ZFYVE28: variants seen among roughly 807,000 people sequenced by gnomAD.
The protein encoded by ZFYVE28 is zinc finger FYVE-type containing 28, also known as lateral signaling target protein 2 homolog.
A neutral mutation model predicts 82.1 loss-of-function variants in ZFYVE28; 40 were observed. The observed-to-expected ratio is 0.49, with a 90% CI of 0.38 to 0.63. The LOEUF is 0.63. Among genes scored for constraint, ZFYVE28 ranks in the 30% least tolerant of loss-of-function variants. The pLI is 0.00. For missense variants in ZFYVE28, 1,321 were observed against 1,242.1 expected, an observed-to-expected ratio of 1.06 and a Z score of -0.96; for synonymous variants, 612 against 546.1, an observed-to-expected ratio of 1.12 and a Z score of -1.68.
At chr4:2,361,311 AT>A (rs1560282294) in intron 1 of ZFYVE28, among the ~76,000 whole-genome samples, 2 of 152,198 alleles carry the variant, frequency 1.3e-5, no homozygotes, top group Admixed American at 1.3e-4. Flanking sequence ...CTCTGGGCTA[AT>A]TTTGTAAAGC....
chr4:2,275,778 G>C (rs555607371), intron 8 of ZFYVE28, among the ~76,000 whole-genome samples: 11 of 152,354 alleles, frequency 7.2e-5, no homozygotes. Context: ...TCTGGAGCCC[G>C]GTGGCCTCTG....
intron 7 of ZFYVE28, among the ~76,000 whole-genome samples, chr4:2,317,232 C>T (rs1718360567): frequency 6.6e-6 from 1 of 152,052 alleles, no homozygotes; most frequent in Admixed American, 6.5e-5. Context: ...AGGTGATCCG[C>T]CCACCTTGGC....
chr4:2,354,534 C>T (rs2108883472), intron 1 of ZFYVE28, among the ~76,000 whole-genome samples: 1 of 149,880 alleles, frequency 6.7e-6, no homozygotes, highest in East Asian at 2.0e-4. Flanking sequence ...TCCCAACTCA[C>T]TGCAACCTCC....
At chr4:2,375,780 G>A (rs925794938) in intron 1 of ZFYVE28, among the ~76,000 whole-genome samples, 22 of 152,180 alleles carry the variant, frequency 1.4e-4, no homozygotes, top group Admixed American at 6.5e-4. Context: ...TACCATGTGG[G>A]GCGATTGGAG....
chr4:2,288,058 G>A (rs1454783401), intron 8 of ZFYVE28, among the ~76,000 whole-genome samples: 1 of 152,146 alleles, frequency 6.6e-6, no homozygotes, highest in Admixed American at 6.5e-5. Context: ...AGGTGCAGTG[G>A]GCCTCGGAAG....
At chr4:2,313,117 GTTTTTTT>G (rs984303342) in intron 7 of ZFYVE28, among the ~76,000 whole-genome samples, 1 of 139,760 alleles carries the variant, frequency 7.2e-6, no homozygotes, top group Non-Finnish European at 1.6e-5. Flanking sequence ...GTTTTTCCAG[GTTTTTTT>G]TTTTTTTTGA....
chr4:2,272,371 C>A (rs1330892756), intron 10 of ZFYVE28, among the ~76,000 whole-genome samples: 1 of 152,224 alleles, frequency 6.6e-6, no homozygotes, highest in African/African-American at 2.4e-5. Context: ...AGCACCAGAG[C>A]ACCAGGGGTG....
Position 2,362,373 on chromosome 4 carries a change from C to T in ZFYVE28, c.40-8300G>A, listed in dbSNP as rs1009268457. Reference sequence around the variant, plus strand: ...AGCCTCTGCCTGGGACACACAAATGCGGCCCCACAGCTGTGACCCCCACAG... The same window carrying T: ...AGCCTCTGCCTGGGACACACAAATGTGGCCCCACAGCTGTGACCCCCACAG... On this transcript the variant is annotated intron_variant, in intron 1 of 12. Transcript: ENST00000290974. This position sits in a 1 kb window ranked among gnomAD's most constrained non-coding sequence, Gnocchi z 5.1. Among the ~76,000 whole-genome samples the T allele has an allele frequency of 6.6e-6, 1 of 152,100 alleles. No homozygotes were observed. Among genetic ancestry groups the T allele is most frequent in the East Asian group, 1.9e-4 (1 of 5,192 alleles).
At chr4:2,294,363 C>G (rs1298240561) in intron 8 of ZFYVE28, among the ~76,000 whole-genome samples, 1 of 152,150 alleles carries the variant, frequency 6.6e-6, no homozygotes, top group Non-Finnish European at 1.5e-5. Context: ...TCTTTCCCAA[C>G]AAATAATTCT....
intron 1 of ZFYVE28, among the ~76,000 whole-genome samples, chr4:2,366,183 T>C (rs1246440713): frequency 2.6e-5 from 4 of 152,190 alleles, no homozygotes; most frequent in Non-Finnish European, 5.9e-5. Flanking sequence ...GCAAAAAACA[T>C]AGGCGTGAAC....
In ZFYVE28 at chr4:2,362,563, G is replaced by A. The variant is rs1275523147; in HGVS notation, c.40-8490C>T. ...CACTGAGGCCAGACGTCCATGGGCAGCCATGACCCATGTCCCCAAGGCAGG... is the reference window on the plus strand; with the variant it reads ...CACTGAGGCCAGACGTCCATGGGCAACCATGACCCATGTCCCCAAGGCAGG... On this transcript the variant is annotated intron_variant, in intron 1 of 12. Coordinates refer to ENST00000290974, the MANE Select transcript of ZFYVE28 (RefSeq NM_020972.3). This position sits in a 1 kb window ranked among gnomAD's most constrained non-coding sequence, Gnocchi z 5.1. Among the ~76,000 whole-genome samples, 1 of 152,192 alleles carries A rather than the reference G, an allele frequency of 6.6e-6. No homozygotes were observed. The highest frequency in any genetic ancestry group is 1.9e-4 in the East Asian group (1 of 5,148).
intron 1 of ZFYVE28, among the ~76,000 whole-genome samples, chr4:2,404,589 A>C (rs1160597997): frequency 6.6e-6 from 1 of 152,232 alleles, no homozygotes; most frequent in East Asian, 1.9e-4. Flanking sequence ...AAAAGGCCCC[A>C]CAGCATATGA....
At chr4:2,375,416 C>A (rs12506189) in intron 1 of ZFYVE28, among the ~76,000 whole-genome samples, 3 of 152,172 alleles carry the variant, frequency 2.0e-5, no homozygotes, top group East Asian at 1.9e-4. Context: ...GGCTCTTCCC[C>A]CTGCTGGACA....
At chr4:2,283,871 G>A (rs1206967638) in intron 8 of ZFYVE28, among the ~76,000 whole-genome samples, 1 of 152,152 alleles carries the variant, frequency 6.6e-6, no homozygotes, top group East Asian at 1.9e-4. Context: ...AAAGCCAAGA[G>A]GTGGGAAGCA....
chr4:2,369,850 CTTTT>C (rs1408650676), intron 1 of ZFYVE28, among the ~76,000 whole-genome samples: 3 of 61,030 alleles, frequency 4.9e-5, no homozygotes, highest in Non-Finnish European at 9.7e-5. Flanking sequence ...TTTTTCTTTT[CTTTT>C]TTTTTTTTTT....
chr4:2,413,224 C>T lies in ZFYVE28; in HGVS notation c.39+5061G>A, dbSNP rs148441731. Among the ~76,000 whole-genome samples the T allele has an allele frequency of 3.3e-5, 5 of 152,336 alleles. No individual in the cohort carries two copies. The East Asian group carries it at 5.8e-4, about 18-fold the overall frequency. Reference sequence around the variant, plus strand: ...CGCAGGAAATGAGACGTGAGCTGCCCGCTGAGAGTCACTTCCTAAGAGGCC... The same window carrying T: ...CGCAGGAAATGAGACGTGAGCTGCCTGCTGAGAGTCACTTCCTAAGAGGCC... On this transcript the variant is annotated intron_variant, in intron 1 of 12. Transcript: ENST00000290974.
intron 8 of ZFYVE28, among the ~76,000 whole-genome samples, chr4:2,298,466 T>C (rs759806389): frequency 7.9e-5 from 12 of 152,146 alleles, no homozygotes; most frequent in Non-Finnish European, 1.5e-4. Flanking sequence ...GCGATTCCTC[T>C]AAAAGGGATA....
chr4:2,365,129 A>G (rs3128825), intron 1 of ZFYVE28, among the ~76,000 whole-genome samples: 104,266 of 140,756 alleles, frequency 0.74, 37,199 homozygotes, highest in East Asian at 0.88. Context: ...GAGAGGGGCC[A>G]GGTGTCCCTG....
At chr4:2,366,146 G>A (rs3135141) in intron 1 of ZFYVE28, among the ~76,000 whole-genome samples, 101,162 of 151,762 alleles carry the variant, frequency 0.67, 34,016 homozygotes, top group East Asian at 0.77. Context: ...GGAGTGCGAC[G>A]CAGAATTACA....
Sources: gnomAD v4.1 joint callset for allele counts (sites outside exome capture counted in the v4.1 genomes callset) on GRCh38, gnomAD v4.1.1 for gene constraint, Gnocchi (gnomAD v3.1) non-coding constraint, MANE v1.5 for transcripts, NCBI Gene and HGNC (gene_info 2026-07-23, HGNC 2026-07-21) for gene names.